C1QTNF7: variants seen among roughly 807,000 people sequenced by gnomAD.
C1QTNF7 encodes the protein C1q and TNF related 7.
A neutral mutation model predicts 19.6 loss-of-function variants in C1QTNF7; 15 were observed. That is an observed-to-expected ratio of 0.76 (90% CI 0.51 to 1.18). C1QTNF7 has a LOEUF of 1.18. C1QTNF7 is among the 50% of genes most tolerant of loss of function. The pLI is 0.00. For missense variants in C1QTNF7, 324 were observed against 359.7 expected (o/e 0.90, Z 0.80); for synonymous variants, 142 against 137.5 (o/e 1.03, Z -0.23).
intron 1 of C1QTNF7, among the ~76,000 whole-genome samples, chr4:15,350,730 C>A (rs1055243916): frequency 3.3e-5 from 5 of 152,152 alleles, no homozygotes; most frequent in African/African-American, 1.2e-4. Flanking sequence ...ACCAGAGAGA[C>A]TGTGGTTGTC....
chr4:15,352,265 A>G (rs13139715), intron 1 of C1QTNF7, among the ~76,000 whole-genome samples: 72,088 of 152,004 alleles, frequency 0.47, 18,393 homozygotes, highest in African/African-American at 0.66. Flanking sequence ...TCTATAAAAT[A>G]GCTGCTTCCC....
chr4:15,399,555 T>C (rs1718909846), intron 1 of C1QTNF7, among the ~76,000 whole-genome samples: 1 of 152,198 alleles, frequency 6.6e-6, no homozygotes. Flanking sequence ...TACGTAGTGT[T>C]TTTGCATGGA....
At chr4:15,370,268 T>C (rs530974597) in intron 1 of C1QTNF7, among the ~76,000 whole-genome samples, 2 of 152,294 alleles carry the variant, frequency 1.3e-5, no homozygotes, top group African/African-American at 2.4e-5. Context: ...AAGCATTCTG[T>C]TTGGCTATAA....
At chr4:15,433,995 A>G (rs1712429351) in intron 1 of C1QTNF7, among the ~76,000 whole-genome samples, 1 of 151,202 alleles carries the variant, frequency 6.6e-6, no homozygotes, top group Non-Finnish European at 1.5e-5. Flanking sequence ...CTTTCCATAT[A>G]TTTTTTTTTC....
intron 1 of C1QTNF7, among the ~76,000 whole-genome samples, chr4:15,375,001 G>T (rs770465724): frequency 4.6e-5 from 7 of 151,818 alleles, no homozygotes; most frequent in Non-Finnish European, 1.0e-4. Context: ...GCTTGGGAAG[G>T]GTTAGTTTTG....
intron 1 of C1QTNF7, among the ~76,000 whole-genome samples, chr4:15,389,864 A>G (rs1007685099): frequency 6.6e-6 from 1 of 152,182 alleles, no homozygotes; most frequent in African/African-American, 2.4e-5. Flanking sequence ...GGGGCAGGAA[A>G]TGAGGCTCAC....
chr4:15,424,153 A>G (rs568167249), upstream of C1QTNF7, among the ~76,000 whole-genome samples: 2 of 152,240 alleles, frequency 1.3e-5, no homozygotes, highest in East Asian at 3.9e-4. Flanking sequence ...TTATTAGTCA[A>G]TTGTGACTCA....
intron 1 of C1QTNF7, among the ~76,000 whole-genome samples, chr4:15,371,014 G>A (rs955895355): frequency 1.3e-5 from 2 of 152,204 alleles, no homozygotes; most frequent in African/African-American, 2.4e-5. Flanking sequence ...AACTGAAAAT[G>A]TCTTTCCCTG....
chr4:15,353,885 A>C (rs2109291375), intron 1 of C1QTNF7, among the ~76,000 whole-genome samples: 1 of 152,324 alleles, frequency 6.6e-6, no homozygotes, highest in East Asian at 1.9e-4. Context: ...TGAATCTTAA[A>C]AGATTTTTTA....
rs558489549 is a variant in C1QTNF7 at position 15,433,634 on chromosome 4, T to C, written c.-8-2102T>C. The stretch of plus-strand genomic sequence containing the variant: ...CAAATAGCAACAATTCTGTGGGAAA[T>C]GATTCTAAATTTCAACACACAAGTA... On this transcript the variant is annotated intron_variant, in intron 1 of 2. Coordinates refer to ENST00000444304, the MANE Select transcript of C1QTNF7 (RefSeq NM_031911.5). Among the ~76,000 whole-genome samples, 4 of 152,218 alleles carry C rather than the reference T, an allele frequency of 2.6e-5. No homozygotes were observed. In the East Asian group the frequency reaches 5.8e-4, roughly 22 times the overall value.
intron 1 of C1QTNF7, among the ~76,000 whole-genome samples, chr4:15,388,944 G>A (rs901459642): frequency 6.6e-6 from 1 of 152,196 alleles, no homozygotes; most frequent in African/African-American, 2.4e-5. Flanking sequence ...GAGGAGCAGG[G>A]AGGTCACCCA....
rs527346739 is a variant in C1QTNF7, at chr4:15,392,436, G to A, written c.14-43300G>A. 8.5e-5 allele frequency among the ~76,000 whole-genome samples: 13 copies of A among 152,246 alleles called. No individual in the cohort carries two copies. The South Asian group carries it at 1.0e-3, about 12-fold the overall frequency. ...GAACCAAACCTCTCACCCCAAGCCC[G>A]GTGCCCCTTCAGCCCCATCACAGGC... On this transcript the variant is annotated intron_variant, in intron 1 of 2. Transcript: ENST00000295297.
intron 1 of C1QTNF7, among the ~76,000 whole-genome samples, chr4:15,354,664 G>A (rs1717068266): frequency 6.6e-6 from 1 of 152,062 alleles, no homozygotes; most frequent in Non-Finnish European, 1.5e-5. Context: ...AATGTCATGA[G>A]AACATTGAGT....
At chr4:15,433,459 T>C (rs1199215908) in intron 1 of C1QTNF7, among the ~76,000 whole-genome samples, 1 of 152,148 alleles carries the variant, frequency 6.6e-6, no homozygotes, top group Non-Finnish European at 1.5e-5. Context: ...TCCCAGGATA[T>C]GTATTAAAAT....
chr4:15,411,085 C>T (rs1049238649), intron 1 of C1QTNF7, among the ~76,000 whole-genome samples: 1 of 152,190 alleles, frequency 6.6e-6, no homozygotes, highest in African/African-American at 2.4e-5. Flanking sequence ...TACTAACTTC[C>T]ATTATTGCAA....
In C1QTNF7 at chr4:15,442,176, G is replaced by C. The variant is rs774529787; in HGVS notation, c.247G>C (p.Gly83Arg). The change falls in exon 3 of 3, where the codon GGT becomes CGT. Residue 83 changes from glycine to arginine, a missense_variant. Transcript: ENST00000444304. Reference sequence around the variant, plus strand: ...ATATACTCTTTCTGAAGGTTTGAGAGGTAAGACTGGACCGCTAGGTCTTGC... The same window carrying C: ...ATATACTCTTTCTGAAGGTTTGAGACGTAAGACTGGACCGCTAGGTCTTGC... ...KGEKGTAGLR[G>R]KTGPLGLAGE... The C allele has an allele frequency of 2.5e-6, 4 of 1,603,784 alleles. No individual in the cohort carries two copies. The African/African-American group carries it at 5.4e-5, about 22-fold the overall frequency.
Position 15,444,315 on chromosome 4 carries a change from A to G in C1QTNF7, c.*1516A>G, listed in dbSNP as rs1712907470. Reference sequence around the variant, plus strand: ...AATTTCTTTTTTTTAATCTTCCCCAATTTAAATTTTTTAATTTAAAAGTAA... The same window carrying G: ...AATTTCTTTTTTTTAATCTTCCCCAGTTTAAATTTTTTAATTTAAAAGTAA... On this transcript the variant is annotated 3_prime_UTR_variant, in exon 3 of 3. Coordinates refer to ENST00000444304, the MANE Select transcript of C1QTNF7 (RefSeq NM_031911.5). 1 of 152,128 alleles carries G rather than the reference A, an allele frequency of 6.6e-6. No individual in the cohort carries two copies. The highest frequency in any genetic ancestry group is 2.4e-5 in the African/African-American group (1 of 41,408). The allele number at this position is 152,128 out of a possible 1,614,324, so 9.4% of individuals were successfully genotyped here. A position where few individuals can be genotyped will look rare whatever the true frequency, so the allele number is the denominator to read the frequency against.
intron 1 of C1QTNF7, among the ~76,000 whole-genome samples, chr4:15,371,199 A>T (rs1265661643): frequency 6.6e-6 from 1 of 152,246 alleles, no homozygotes; most frequent in East Asian, 1.9e-4. Context: ...GCGACCCAAG[A>T]TCCGCTCCTC....
At chr4:15,395,742 A>T (rs1718758137) in intron 1 of C1QTNF7, among the ~76,000 whole-genome samples, 1 of 152,170 alleles carries the variant, frequency 6.6e-6, no homozygotes, top group Non-Finnish European at 1.5e-5. Context: ...GAGAAAATAC[A>T]GGGCACCTTA....
Sources: gnomAD v4.1 joint callset for allele counts (sites outside exome capture counted in the v4.1 genomes callset) on GRCh38, gnomAD v4.1.1 for gene constraint, MANE v1.5 for transcripts, NCBI Gene and HGNC (gene_info 2026-07-23, HGNC 2026-07-21) for gene names.